The following CSMD1 variants were observed in gnomAD, a reference collection of about 807,000 sequenced individuals.
CSMD1 encodes the protein CUB and Sushi multiple domains 1, also known as CUB and sushi domain-containing protein 1.
A neutral mutation model predicts 417.5 loss-of-function variants in CSMD1; 213 were observed. The observed-to-expected ratio is 0.51, with a 90% CI of 0.46 to 0.57. The LOEUF is 0.57. Among genes scored for constraint, CSMD1 ranks in the 20% least tolerant of loss-of-function variants. CSMD1 has a pLI of 0.00. For missense variants in CSMD1, 6,923 were observed against 4,529.7 expected (o/e 1.53, Z -15.17); for synonymous variants, 2,862 against 1,736.8 (o/e 1.65, Z -16.11).
Position 3,532,046 on chromosome 8 carries a change from G to C in CSMD1, c.1345-38320C>G, listed in dbSNP as rs73503698. 5.9e-3 allele frequency among the ~76,000 whole-genome samples: 898 copies of C among 152,338 alleles called. 11 individuals are homozygous for C. The highest frequency in any genetic ancestry group is 0.021 in the African/African-American group (873 of 41,578). ...TAAACAGTTTTTCATGCCCTGTCTA[G>C]ATCAGATACTGCCTCATGATTAGCT... On this transcript the variant is annotated intron_variant, in intron 10 of 69. Transcript: ENST00000635120.
intron 3 of CSMD1, among the ~76,000 whole-genome samples, chr8:4,353,467 G>A (rs964048812): frequency 6.6e-6 from 1 of 151,918 alleles, no homozygotes; most frequent in Non-Finnish European, 1.5e-5. Flanking sequence ...TGTGAGAAAA[G>A]AATAATACAT....
At chr8:4,222,505 T>C (rs1801100535) in intron 3 of CSMD1, among the ~76,000 whole-genome samples, 1 of 152,188 alleles carries the variant, frequency 6.6e-6, no homozygotes, top group African/African-American at 2.4e-5. Flanking sequence ...TAGTTGTTAA[T>C]ATTATTATTG....
At position 3,982,074 on chromosome 8, in the gene CSMD1, G is replaced by T. The variant is rs558025539; in HGVS notation, c.818+15829C>A. The stretch of plus-strand genomic sequence containing the variant: ...TAATCCCAGCTACGCAGGAGAATGG[G>T]GTGAACCTGGGAGGTGGAGGTTGCA... On this transcript the variant is annotated intron_variant, in intron 5 of 69. Coordinates refer to ENST00000635120, the MANE Select transcript of CSMD1 (RefSeq NM_033225.6). 3.7e-3 allele frequency among the ~76,000 whole-genome samples: 564 copies of T among 151,606 alleles called. 3 individuals are homozygous for T. The highest frequency in any genetic ancestry group is 6.2e-3 in the Non-Finnish European group (422 of 67,900).
intron 8 of CSMD1, among the ~76,000 whole-genome samples, chr8:3,603,634 C>T (rs535076920): frequency 6.6e-5 from 10 of 152,166 alleles, no homozygotes; most frequent in Non-Finnish European, 7.3e-5. Context: ...GATTATGTCA[C>T]AAAGGGGATT....
chr8:4,069,448 C>A (rs901411548), intron 3 of CSMD1, among the ~76,000 whole-genome samples: 5 of 152,124 alleles, frequency 3.3e-5, no homozygotes, highest in Non-Finnish European at 5.9e-5. Context: ...AAAGGAAATA[C>A]AGTTTTGTCT....
At chr8:4,798,674 T>C (rs879463136) in intron 1 of CSMD1, among the ~76,000 whole-genome samples, 9 of 152,264 alleles carry the variant, frequency 5.9e-5, no homozygotes, top group Admixed American at 2.6e-4. Context: ...TCTTCCACCA[T>C]ACACCAAACT....
chr8:3,940,497 CTGTGTGTG>C (rs34005059), intron 5 of CSMD1, among the ~76,000 whole-genome samples: 35,751 of 144,968 alleles, frequency 0.25, 4,238 homozygotes, highest in Non-Finnish European at 0.27. Context: ...ATTATTTCCT[CTGTGTGTG>C]TGTGTGTGTG....
chr8:4,314,826 A>G (rs1255962126), intron 3 of CSMD1, among the ~76,000 whole-genome samples: 1 of 152,204 alleles, frequency 6.6e-6, no homozygotes, highest in Non-Finnish European at 1.5e-5. Flanking sequence ...AGGGCAAAGG[A>G]TTTTGTAAGA....
At chr8:4,531,150 T>A (rs559935587) in intron 2 of CSMD1, among the ~76,000 whole-genome samples, 1 of 152,290 alleles carries the variant, frequency 6.6e-6, no homozygotes, top group African/African-American at 2.4e-5. Flanking sequence ...GAGTAGGACA[T>A]TTTTTGTAGG....
intron 5 of CSMD1, among the ~76,000 whole-genome samples, chr8:3,883,077 C>G (rs1393011853): frequency 1.3e-5 from 2 of 152,134 alleles, no homozygotes; most frequent in Admixed American, 1.3e-4. Context: ...TGTGTCTTGA[C>G]TATTTACTCT....
rs1422776063 is a variant in CSMD1 at position 3,772,401 on chromosome 8, A to G, written c.819-18359T>C. Among the ~76,000 whole-genome samples, 12 of 143,166 alleles carry G rather than the reference A, an allele frequency of 8.4e-5. 2 individuals are homozygous for G. Among genetic ancestry groups the G allele is most frequent in the African/African-American group, 3.1e-4 (12 of 38,876 alleles). The allele number at this position is 143,166 out of a possible 152,430, so 93.9% of individuals were successfully genotyped here. On this transcript the variant is annotated intron_variant, in intron 5 of 69. Coordinates refer to ENST00000635120, the MANE Select transcript of CSMD1 (RefSeq NM_033225.6). ...TATTCATATATTTATATATACACATATATACATATATTTATATATACACAT... is the reference window on the plus strand; with the variant it reads ...TATTCATATATTTATATATACACATGTATACATATATTTATATATACACAT...
At chr8:4,908,128 G>C (rs976215469) in intron 1 of CSMD1, among the ~76,000 whole-genome samples, 1 of 152,040 alleles carries the variant, frequency 6.6e-6, no homozygotes, top group Non-Finnish European at 1.5e-5. Flanking sequence ...AATTTTGCTG[G>C]GTACAGAATT....
chr8:4,438,086 T>C (rs1257870065), intron 2 of CSMD1, among the ~76,000 whole-genome samples: 1 of 152,136 alleles, frequency 6.6e-6, no homozygotes, highest in Admixed American at 6.5e-5. Context: ...GCTTCTTTGG[T>C]TTCCAAGTTC....
chr8:4,548,642 T>G (rs1797734622), intron 2 of CSMD1, among the ~76,000 whole-genome samples: 2 of 152,302 alleles, frequency 1.3e-5, no homozygotes, highest in East Asian at 3.9e-4. Context: ...ACAGAATGAT[T>G]TCAAAAATCA....
chr8:4,211,932 G>C (rs775141249), intron 3 of CSMD1, among the ~76,000 whole-genome samples: 1 of 152,142 alleles, frequency 6.6e-6, no homozygotes, highest in African/African-American at 2.4e-5. Context: ...GGAAGAAAGG[G>C]TAATAAAGTC....
intron 26 of CSMD1, among the ~76,000 whole-genome samples, chr8:3,242,137 C>A (rs181348433): frequency 2.0e-5 from 3 of 151,754 alleles, no homozygotes; most frequent in African/African-American, 7.3e-5. Flanking sequence ...TAGCTCCAGC[C>A]ACCTTTTAAG....
At chr8:3,942,658 C>G (rs367572418) in intron 5 of CSMD1, among the ~76,000 whole-genome samples, 1 of 152,162 alleles carries the variant, frequency 6.6e-6, no homozygotes. Context: ...TCTTTAAAAA[C>G]TGTTTATGAT....
intron 2 of CSMD1, among the ~76,000 whole-genome samples, chr8:4,500,802 T>C (rs1466644155): frequency 6.6e-6 from 1 of 152,172 alleles, no homozygotes; most frequent in East Asian, 1.9e-4. Flanking sequence ...GGAGGCATGT[T>C]GACTTACGGA....
At chr8:3,454,313 T>G (rs1303328415) in intron 12 of CSMD1, among the ~76,000 whole-genome samples, 2 of 152,220 alleles carry the variant, frequency 1.3e-5, no homozygotes, top group Non-Finnish European at 2.9e-5. Context: ...CCCATTTACA[T>G]TTAAGGTTAA....
Sources: gnomAD v4.1 joint callset for allele counts (sites outside exome capture counted in the v4.1 genomes callset) on GRCh38, gnomAD v4.1.1 for gene constraint, MANE v1.5 for transcripts, NCBI Gene and HGNC (gene_info 2026-07-23, HGNC 2026-07-21) for gene names.